The following BMX variants were observed in gnomAD, a reference collection of about 807,000 sequenced individuals.
BMX encodes the protein BMX non-receptor tyrosine kinase, also known as cytoplasmic tyrosine-protein kinase BMX.
Under a neutral mutation model 59.2 loss-of-function variants are expected in BMX, and 31 were observed. That is an observed-to-expected ratio of 0.52 (90% CI 0.39 to 0.71). The LOEUF (loss-of-function observed/expected upper bound fraction) is 0.71, where lower values mean the gene tolerates loss of function less well. BMX is among the 30% of genes least tolerant of loss of function. BMX has a pLI of 0.00. For synonymous variants in BMX, 185 were observed against 181.0 expected, an observed-to-expected ratio of 1.02 and a Z score of -0.18; for missense variants, 474 against 491.7, an observed-to-expected ratio of 0.96 and a Z score of 0.34.
intron 16 of BMX, among the ~76,000 whole-genome samples, chrX:15,545,382 A>C (rs1325582844): frequency 8.9e-6 from 1 of 112,545 alleles, no homozygotes; most frequent in Non-Finnish European, 1.9e-5. Context: ...CATTGGCATA[A>C]TTCCAAAGTT....
chrX:15,525,054 T>C (rs1404675745), intron 7 of BMX, among the ~76,000 whole-genome samples: 1 of 112,357 alleles, frequency 8.9e-6, no homozygotes, highest in Non-Finnish European at 1.9e-5. Context: ...TTATGAGCCA[T>C]TATTAACAAT....
chrX:15,510,070 G>T (rs1923895843), intron 3 of BMX, among the ~76,000 whole-genome samples: 1 of 111,822 alleles, frequency 8.9e-6, no homozygotes, highest in South Asian at 3.7e-4. Context: ...TAGTCCCTAT[G>T]AATAAAGAAG....
intron 15 of BMX, 73 bp downstream of exon 15, chrX:15,542,271 G>A (rs1925729190): frequency 4.0e-6 from 4 of 999,734 alleles, no homozygotes; most frequent in African/African-American, 1.9e-5. Flanking sequence ...TGGGGTCACT[G>A]GTAGGGAAGG....
At chrX:15,532,319 C>T (rs1045608236) in intron 11 of BMX, among the ~76,000 whole-genome samples, 2 of 108,093 alleles carry the variant, frequency 1.9e-5, no homozygotes, top group Non-Finnish European at 3.8e-5. Context: ...GTAGTTAGCT[C>T]TTTTTTTTTC....
At chrX:15,511,603 G>A (rs113096962) in intron 4 of BMX, 85 bp downstream of exon 4, 9 of 757,464 alleles carry the variant, frequency 1.2e-5, no homozygotes, top group African/African-American at 4.3e-5. Flanking sequence ...GTGGAGGAAA[G>A]ACATGGCAGT....
At chrX:15,542,998 A>T (rs1925768670) in intron 15 of BMX, 73 bp from the exon 16 acceptor site, 5 of 992,089 alleles carry the variant, frequency 5.0e-6, no homozygotes, top group Non-Finnish European at 1.4e-6. Flanking sequence ...TGAGAATTCT[A>T]CTCAAAAGGA....
At chrX:15,503,169 T>C (rs759265913) in intron 1 of BMX, among the ~76,000 whole-genome samples, 3 of 111,990 alleles carry the variant, frequency 2.7e-5, no homozygotes, top group African/African-American at 9.7e-5. Flanking sequence ...CTTAACTAGA[T>C]AACCCTGTCT....
Position 15,537,291 on chromosome X carries a change from G to A in BMX, c.1380G>A (p.Glu460=). 8.3e-7 allele frequency: 1 copy of A among 1,210,382 alleles called. No individual in the cohort carries two copies. Among genetic ancestry groups the A allele is most frequent in the East Asian group, 3.0e-5 (1 of 33,776 alleles). Residue 460 remains glutamate, a synonymous_variant, in exon 14 of 19, where the codon GAG becomes GAA. Coordinates refer to ENST00000348343, the MANE Select transcript of BMX (RefSeq NM_203281.3). The part of the protein sequence containing the change: ...GSMSEDEFFQ[E]AQTMMKLSHP... ...TGTCAGAAGATGAATTCTTTCAGGAGGCCCAGACTATGATGTAAGTTTTTC... is the reference window on the plus strand; with the variant it reads ...TGTCAGAAGATGAATTCTTTCAGGAAGCCCAGACTATGATGTAAGTTTTTC...
chrX:15,545,450 C>T (rs1407408959), intron 16 of BMX, among the ~76,000 whole-genome samples: 1 of 112,531 alleles, frequency 8.9e-6, no homozygotes, highest in Non-Finnish European at 1.9e-5. Flanking sequence ...GAGCAGTAGC[C>T]TGCCAGCACT....
At chrX:15,527,664 A>C (rs1211863823) in intron 9 of BMX, among the ~76,000 whole-genome samples, 1 of 111,751 alleles carries the variant, frequency 8.9e-6, no homozygotes, top group Non-Finnish European at 1.9e-5. Context: ...TATTGATTAC[A>C]TGTGAAACGA....
intron 2 of BMX, 26 bp downstream of exon 2, chrX:15,508,517 T>C: frequency 9.2e-7 from 1 of 1,084,875 alleles, no homozygotes; most frequent in Non-Finnish European, 1.2e-6. Context: ...TTCCATTATT[T>C]TTATACTATT....
intron 18 of BMX, among the ~76,000 whole-genome samples, chrX:15,551,237 T>A (rs1926182745): frequency 9.0e-6 from 1 of 111,719 alleles, no homozygotes; most frequent in African/African-American, 3.3e-5. Context: ...ACTTCCTCAA[T>A]GGCAAAGGGC....
chrX:15,504,593 C>T (rs1358578929), intron 1 of BMX, among the ~76,000 whole-genome samples: 2 of 112,182 alleles, frequency 1.8e-5, no homozygotes, highest in African/African-American at 6.5e-5. Context: ...AATAGAACTG[C>T]CGACTTGAAC....
intron 12 of BMX, among the ~76,000 whole-genome samples, chrX:15,535,258 C>T (rs1029410594): frequency 3.1e-4 from 35 of 111,696 alleles, no homozygotes; most frequent in Non-Finnish European, 5.7e-4. Context: ...TAGAATAGTG[C>T]CACTTAAGAG....
At chrX:15,533,488 T>C (rs1355071784) in intron 11 of BMX, among the ~76,000 whole-genome samples, 1 of 112,035 alleles carries the variant, frequency 8.9e-6, no homozygotes, top group Non-Finnish European at 1.9e-5. Context: ...ACAGCAACAA[T>C]TTATTAACTG....
chrX:15,543,862 T>C (rs1235622302), intron 16 of BMX, among the ~76,000 whole-genome samples: 3 of 111,857 alleles, frequency 2.7e-5, no homozygotes, highest in African/African-American at 9.8e-5. Context: ...TGTATCCTAA[T>C]ACTATTTAAG....
chrX:15,514,672 T>C (rs754186851), intron 4 of BMX, among the ~76,000 whole-genome samples: 3 of 112,282 alleles, frequency 2.7e-5, no homozygotes, highest in Non-Finnish European at 5.6e-5. Flanking sequence ...TAATTTGTTA[T>C]AGATTACAGT....
intron 1 of BMX, among the ~76,000 whole-genome samples, chrX:15,503,505 A>T (rs1446529453): frequency 1.8e-5 from 2 of 112,303 alleles, no homozygotes; most frequent in Non-Finnish European, 3.8e-5. Flanking sequence ...GATGGTGTAC[A>T]GGTATGACAC....
intron 1 of BMX, 148 bp downstream of exon 1, chrX:15,501,088 G>A: frequency 2.3e-6 from 1 of 440,052 alleles, no homozygotes. Flanking sequence ...AAATTGCCAG[G>A]GCTTTCTCTG....
Sources: gnomAD v4.1 joint callset for allele counts (sites outside exome capture counted in the v4.1 genomes callset) on GRCh38, gnomAD v4.1.1 for gene constraint, MANE v1.5 for transcripts, NCBI Gene and HGNC (gene_info 2026-07-23, HGNC 2026-07-21) for gene names.